The following TNNC2 variants were observed in gnomAD, a reference collection of about 807,000 sequenced individuals.
TNNC2 encodes troponin C, skeletal muscle.
Under a neutral mutation model 20.0 loss-of-function variants are expected in TNNC2, and 14 were observed. The observed-to-expected ratio is 0.70, with a 90% confidence interval of 0.46 to 1.09. The LOEUF (loss-of-function observed/expected upper bound fraction) is 1.09. TNNC2 is among the 50% of genes least tolerant of loss of function. The probability of loss-of-function intolerance (pLI) is 0.00; values close to 1 mark genes in which losing one functional copy is unlikely to be tolerated. For synonymous variants in TNNC2, 81 were observed against 77.3 expected (o/e 1.05, Z -0.25); for missense variants, 163 against 223.8 (o/e 0.73, Z 1.73).
Position 45,824,400 on chromosome 20 carries a change from C to T in TNNC2, c.206G>A (p.Gly69Asp), listed in dbSNP as rs1201677894. 2 of 1,610,522 alleles carry T rather than the reference C, an allele frequency of 1.2e-6. No homozygotes were observed. The highest frequency in any genetic ancestry group is 1.1e-5 in the South Asian group (1 of 91,086). ...CAAGAACTCCTCGAAGTCGATGGTG[C>T]CGCTGCCTGCGGGCAGCAGGTGGCA... ...IIEEVDEDGS[G>D]TIDFEEFLVM... is the part of the protein sequence containing the mutation. Residue 69 changes from glycine to aspartate, a missense_variant, in exon 4 of 6, where the codon GGC (glycine) becomes GAC (aspartate). Coordinates refer to ENST00000372555, the MANE Select transcript of TNNC2 (RefSeq NM_003279.3).
chr20:45,825,678 G>A (rs1437030085), intron 1 of TNNC2, among the ~76,000 whole-genome samples: 2 of 148,340 alleles, frequency 1.3e-5, no homozygotes, highest in African/African-American at 2.5e-5. Flanking sequence ...GTAATGGCAC[G>A]ATCTCAGCTC....
At chr20:45,827,127 A>C in intron 1 of TNNC2, 119 bp downstream of exon 1, 1 of 1,336,862 alleles carries the variant, frequency 7.5e-7, no homozygotes, top group Non-Finnish European at 1.1e-6. Flanking sequence ...GGTTCCAGGA[A>C]CCTCCATGCT....
In TNNC2 at chr20:45,823,883, G is replaced by A. The variant is rs1367076471; in HGVS notation, c.451+108C>T. The A allele has an allele frequency of 6.5e-6, 10 of 1,545,598 alleles. No individual in the cohort carries two copies. Among genetic ancestry groups the A allele is most frequent in the Admixed American group, 1.8e-5 (1 of 54,494 alleles). ...ACTATGGGGAACTTGGTGAAGTTAC[G>A]CCCAGCCCAGCCCACAAGGCCAAGG... is the stretch of plus-strand genomic sequence containing the variant. On this transcript the variant is annotated intron_variant, in intron 5 of 5. Coordinates refer to ENST00000372555, the MANE Select transcript of TNNC2 (RefSeq NM_003279.3). This position sits in a 1 kb window ranked among gnomAD's most constrained non-coding sequence, Gnocchi z 4.6.
At chr20:45,832,877 G>T (rs1345402694) in intron 2 of TNNC2, among the ~76,000 whole-genome samples, 1 of 152,178 alleles carries the variant, frequency 6.6e-6, no homozygotes, top group African/African-American at 2.4e-5. Context: ...TGGGCTCCAG[G>T]CCCCATACTC....
upstream of TNNC2, among the ~76,000 whole-genome samples, chr20:45,831,434 G>A (rs747234080): frequency 6.6e-5 from 10 of 152,010 alleles, no homozygotes; most frequent in South Asian, 2.1e-4. Flanking sequence ...AAAATTAGCC[G>A]GGTGTGGTGG....
In TNNC2 at chr20:45,823,652, TTTTTA is replaced by T. The variant is rs971535376; in HGVS notation, c.452-278_452-274del. 6.6e-6 allele frequency among the ~76,000 whole-genome samples: 1 copy of T among 151,886 alleles called. No homozygotes were observed. The highest frequency in any genetic ancestry group is 6.6e-5 in the Admixed American group (1 of 15,262). ...CCACAGGTGTGCCACCACACCTGCC[TTTTTA>T]TTTTATTTTATTTTTTGTAAAGACA... On this transcript the variant is annotated intron_variant, in intron 5 of 5. Coordinates refer to ENST00000372555, the MANE Select transcript of TNNC2 (RefSeq NM_003279.3). The surrounding 1 kb of genome is among the most constrained non-coding windows in gnomAD (Gnocchi z 4.6).
chr20:45,829,137 C>T (rs1018440308), upstream of TNNC2, among the ~76,000 whole-genome samples: 6 of 149,812 alleles, frequency 4.0e-5, no homozygotes, highest in Non-Finnish European at 7.4e-5. Flanking sequence ...CATACCACTA[C>T]GCCCAGCTAA....
At chr20:45,829,167 T>G (rs1437012640), upstream of TNNC2, among the ~76,000 whole-genome samples, 1 of 147,634 alleles carries the variant, frequency 6.8e-6, no homozygotes, top group South Asian at 2.2e-4. Context: ...TTGGTTTTTT[T>G]TTTTTTTTTT....
Position 45,824,585 on chromosome 20 carries a change from C to T in TNNC2, c.109G>A (p.Val37Ile), listed in dbSNP as rs1384775825. The T allele has an allele frequency of 1.2e-6, 2 of 1,612,442 alleles. No homozygotes were observed. Among genetic ancestry groups the T allele is most frequent in the Non-Finnish European group, 1.7e-6 (2 of 1,180,028 alleles). Residue 37 changes from valine to isoleucine, a missense_variant, in exon 3 of 6, where the codon GTC becomes ATC. By Grantham distance (29) the Val-to-Ile change is conservative. Coordinates refer to ENST00000372555, the MANE Select transcript of TNNC2 (RefSeq NM_003279.3). ...FDADGGGDIS[V>I]KELGTVMRML... ...CTCATCACCGTGCCCAACTCCTTGA[C>T]GCTGATGTCCCCACCACCATCAGCA...
intron 2 of TNNC2, 58 bp from the exon 3 acceptor site, chr20:45,824,696 A>AACCCCCC (rs1982915996): frequency 3.6e-6 from 5 of 1,386,372 alleles, no homozygotes; most frequent in East Asian, 2.5e-5. Context: ...CCTCACACCT[A>AACCCCCC]CCCCCCCCCA....
upstream of TNNC2, among the ~76,000 whole-genome samples, chr20:45,828,493 T>C (rs972510206): frequency 2.0e-5 from 3 of 152,208 alleles, no homozygotes; most frequent in Admixed American, 1.3e-4. Context: ...GATCCTTCTC[T>C]GAAAGTTACC....
upstream of TNNC2, among the ~76,000 whole-genome samples, chr20:45,831,705 G>A (rs1024869096): frequency 5.3e-5 from 8 of 152,254 alleles, no homozygotes; most frequent in African/African-American, 1.9e-4. Flanking sequence ...TGGAGAATGC[G>A]CAACCTTCAG....
chr20:45,832,318 A>AAAATAAAT (rs201234697), intron 2 of TNNC2, among the ~76,000 whole-genome samples: 3 of 152,084 alleles, frequency 2.0e-5, no homozygotes, highest in Admixed American at 6.6e-5. Flanking sequence ...TCCCTCTCTA[A>AAAATAAAT]AAATAAATAA....
At chr20:45,828,464 A>T (rs750373464), upstream of TNNC2, among the ~76,000 whole-genome samples, 1 of 152,168 alleles carries the variant, frequency 6.6e-6, no homozygotes, top group Non-Finnish European at 1.5e-5. Flanking sequence ...TTGGAGGAGA[A>T]ATAATCATTG....
chr20:45,824,617 ATG>A lies in TNNC2; in HGVS notation c.75_76del (p.Met26ValfsTer2), dbSNP rs1379062653. ...GTCCCCACCACCATCAGCATCAAAC[ATG>A]TCAAAGGCAGCCTTGAACTCTGCGA... On this transcript the variant is annotated frameshift_variant, in exon 3 of 6. Transcript: ENST00000372555. LOFTEE classifies it high-confidence loss of function. The A allele has an allele frequency of 7.5e-6, 12 of 1,610,434 alleles. No individual in the cohort carries two copies. Among genetic ancestry groups the A allele is most frequent in the Non-Finnish European group, 1.0e-5 (12 of 1,179,940 alleles).
upstream of TNNC2, among the ~76,000 whole-genome samples, chr20:45,829,943 C>G (rs918457350): frequency 6.6e-6 from 1 of 151,748 alleles, no homozygotes; most frequent in African/African-American, 2.4e-5. Flanking sequence ...TAGGTAAGGC[C>G]CAAATTGCTT....
intron 2 of TNNC2, among the ~76,000 whole-genome samples, chr20:45,832,487 A>G (rs143181472): frequency 1.5e-3 from 232 of 152,174 alleles, no homozygotes; most frequent in East Asian, 7.9e-3. Context: ...TGTGAGGGAG[A>G]GATGTGACAG....
chr20:45,824,770 GC>G lies in TNNC2; in HGVS notation c.55+12del, dbSNP rs778877757. 1.4e-6 allele frequency: 2 copies of G among 1,412,862 alleles called. No homozygotes were observed. The highest frequency in any genetic ancestry group is 2.1e-5 in the Admixed American group (1 of 48,284). 87.5% of individuals were successfully genotyped at this position (1,412,862 alleles called of 1,614,324 possible). A position where few individuals can be genotyped will look rare whatever the true frequency, so the allele number is the denominator to read the frequency against. ...ACATCCACCCAGCCCCCAGCCTGCCGCGCCTCACTCACCAGCGATCATCTCT... is the reference window on the plus strand; with the variant it reads ...ACATCCACCCAGCCCCCAGCCTGCCGGCCTCACTCACCAGCGATCATCTCT... On this transcript the variant is annotated intron_variant, in intron 2 of 5. Transcript: ENST00000372555.
At chr20:45,832,713 C>G (rs2048601627) in intron 2 of TNNC2, among the ~76,000 whole-genome samples, 1 of 152,216 alleles carries the variant, frequency 6.6e-6, no homozygotes, top group South Asian at 2.1e-4. Context: ...AAAATCTGCC[C>G]TAACAACTGA....
Sources: allele counts gnomAD v4.1 joint callset (sites outside exome capture counted in the v4.1 genomes callset), GRCh38; gene constraint gnomAD v4.1.1; non-coding constraint Gnocchi (gnomAD v3.1); transcripts MANE v1.5; gene names NCBI Gene and HGNC (gene_info 2026-07-23, HGNC 2026-07-21).